The following TRAPPC9 variants were observed in gnomAD, a reference collection of about 807,000 sequenced individuals.
The protein encoded by TRAPPC9 is IKK2 binding protein.
A neutral mutation model predicts 124.0 loss-of-function variants in TRAPPC9; 83 were observed. The ratio of observed to expected loss-of-function variants is 0.67; its 90% CI spans 0.56 to 0.80. The LOEUF is 0.80. TRAPPC9 is among the 30% of genes least tolerant of loss of function. The pLI, the probability that TRAPPC9 is intolerant of heterozygous loss-of-function variation, is 0.00. For synonymous variants in TRAPPC9, 638 were observed against 617.5 expected, an observed-to-expected ratio of 1.03 and a Z score of -0.49; for missense variants, 1,302 against 1,508.3, an observed-to-expected ratio of 0.86 and a Z score of 2.27.
intron 7 of TRAPPC9, among the ~76,000 whole-genome samples, chr8:140,372,290 C>T (rs377460500): frequency 4.6e-5 from 7 of 152,196 alleles, no homozygotes; most frequent in Non-Finnish European, 8.8e-5. Flanking sequence ...CTGCCCTGGA[C>T]GATGAATGTT....
At chr8:140,395,728 A>G (rs1472488875) in intron 7 of TRAPPC9, among the ~76,000 whole-genome samples, 1 of 152,182 alleles carries the variant, frequency 6.6e-6, no homozygotes, top group African/African-American at 2.4e-5. Context: ...TGTTCAAAAG[A>G]GAAACTGATT....
intron 4 of TRAPPC9, among the ~76,000 whole-genome samples, chr8:140,432,349 C>T (rs2070674276): frequency 6.6e-6 from 1 of 152,090 alleles, no homozygotes; most frequent in Non-Finnish European, 1.5e-5. Context: ...GTATTTAATC[C>T]AAAAACTTTA....
chr8:140,204,394 G>A (rs55968334), intron 17 of TRAPPC9, among the ~76,000 whole-genome samples: 18,153 of 147,204 alleles, frequency 0.12, 1,302 homozygotes, highest in Middle Eastern at 0.2. Flanking sequence ...AACACTGCAT[G>A]TTCTCACTCA....
intron 20 of TRAPPC9, among the ~76,000 whole-genome samples, chr8:139,898,734 A>G (rs1228303745): frequency 1.3e-5 from 2 of 152,144 alleles, no homozygotes; most frequent in African/African-American, 2.4e-5. Context: ...AAAGTTGCAT[A>G]TGTCATACCC....
chr8:139,735,632 T>C (rs565755791), intron 21 of TRAPPC9, among the ~76,000 whole-genome samples: 3 of 151,442 alleles, frequency 2.0e-5, no homozygotes, highest in Admixed American at 6.6e-5. Flanking sequence ...CAGTGAAGGG[T>C]AGTTGGCTCA....
intron 20 of TRAPPC9, among the ~76,000 whole-genome samples, chr8:139,903,125 C>T (rs2131232356): frequency 6.6e-6 from 1 of 152,290 alleles, no homozygotes; most frequent in East Asian, 1.9e-4. Flanking sequence ...GACACAAGGC[C>T]CCCTGTACTG....
chr8:139,838,928 G>A (rs1193380526), intron 21 of TRAPPC9, among the ~76,000 whole-genome samples: 1 of 152,186 alleles, frequency 6.6e-6, no homozygotes. Context: ...ATCCAGGTCA[G>A]CTGATGTGCA....
At chr8:139,864,765 G>GA (rs943062211) in intron 21 of TRAPPC9, among the ~76,000 whole-genome samples, 1 of 152,224 alleles carries the variant, frequency 6.6e-6, no homozygotes, top group African/African-American at 2.4e-5. Flanking sequence ...TAGAGGTGAA[G>GA]AAGTCTCAGC....
In TRAPPC9 at chr8:139,815,726, T is replaced by C. The variant is rs534105498; in HGVS notation, c.3055+70153A>G. 3.3e-5 allele frequency among the ~76,000 whole-genome samples: 5 copies of C among 152,284 alleles called. No homozygotes were observed. In the South Asian group the frequency reaches 1.0e-3, roughly 32 times the overall value. On this transcript the variant is annotated intron_variant, in intron 21 of 22. Coordinates refer to ENST00000438773, the MANE Select transcript of TRAPPC9 (RefSeq NM_001160372.4). ...ACATTCAACAGTCAATCCACAGATA[T>C]TTCCTGACAGGAGGGACTGTGCTAC...
In TRAPPC9 at chr8:140,337,795, G is replaced by C. The variant is rs971982445; in HGVS notation, c.1495+22255C>G. ...GGAGGGCAGTTAATAATAACTGAGA[G>C]GGCTGCGAGATGAACCCTCAGGCCC... On this transcript the variant is annotated intron_variant, in intron 9 of 22. Transcript: ENST00000438773. Among the ~76,000 whole-genome samples the C allele has an allele frequency of 1.2e-4, 18 of 152,278 alleles. 1 individual carries two copies. The Middle Eastern group carries it at 0.014, about 115-fold the overall frequency.
intron 2 of TRAPPC9, among the ~76,000 whole-genome samples, chr8:140,440,602 G>C (rs565849867): frequency 6.6e-6 from 1 of 152,144 alleles, no homozygotes; most frequent in East Asian, 1.9e-4. Flanking sequence ...TCCTCACCCT[G>C]CACCCCCTTC....
At chr8:140,393,084 T>C (rs189468717) in intron 7 of TRAPPC9, among the ~76,000 whole-genome samples, 1 of 151,674 alleles carries the variant, frequency 6.6e-6, no homozygotes, top group South Asian at 2.1e-4. Flanking sequence ...TTTATTTTAT[T>C]TTTTTAGATG....
chr8:139,885,005 G>C (rs1356339947), intron 21 of TRAPPC9, among the ~76,000 whole-genome samples: 2 of 152,146 alleles, frequency 1.3e-5, no homozygotes, highest in African/African-American at 4.8e-5. Flanking sequence ...TGTGTCTCTA[G>C]CCCATGAAAG....
At chr8:140,005,420 G>A (rs927741591) in intron 18 of TRAPPC9, among the ~76,000 whole-genome samples, 14 of 152,178 alleles carry the variant, frequency 9.2e-5, no homozygotes. Flanking sequence ...GTCAGGGAAG[G>A]TTCCGAAAGG....
chr8:140,281,734 A>G (rs1328351189), intron 14 of TRAPPC9, among the ~76,000 whole-genome samples: 2 of 152,218 alleles, frequency 1.3e-5, no homozygotes, highest in East Asian at 3.9e-4. Context: ...TTCAGCTTTT[A>G]AACTCAGGTC....
At chr8:140,198,910 G>C (rs1015519330) in intron 17 of TRAPPC9, among the ~76,000 whole-genome samples, 1 of 152,204 alleles carries the variant, frequency 6.6e-6, no homozygotes, top group African/African-American at 2.4e-5. Context: ...CAACGTGCCA[G>C]ATACAGTGCT....
chr8:140,345,192 G>C (rs2067307001), intron 9 of TRAPPC9, among the ~76,000 whole-genome samples: 1 of 152,260 alleles, frequency 6.6e-6, no homozygotes, highest in Non-Finnish European at 1.5e-5. Flanking sequence ...AGAAGTGGGA[G>C]AGCAGGCAGG....
At chr8:139,996,188 G>GAAAGA (rs1837981376) in intron 18 of TRAPPC9, among the ~76,000 whole-genome samples, 1 of 68,886 alleles carries the variant, frequency 1.5e-5, no homozygotes, top group Non-Finnish European at 3.4e-5. Context: ...AAAAAGAAAG[G>GAAAGA]AAAGAAAAAA....
chr8:140,149,664 G>A (rs1033883164), intron 17 of TRAPPC9, among the ~76,000 whole-genome samples: 8 of 151,990 alleles, frequency 5.3e-5, no homozygotes, highest in South Asian at 2.1e-4. Context: ...GATTAGTGAC[G>A]GCTTCAATTC....
Sources: gnomAD v4.1 joint callset for allele counts (sites outside exome capture counted in the v4.1 genomes callset) on GRCh38, gnomAD v4.1.1 for gene constraint, MANE v1.5 for transcripts, NCBI Gene and HGNC (gene_info 2026-07-23, HGNC 2026-07-21) for gene names.